Variants in ARHGAP15 observed in about 807,000 individuals in gnomAD.
The protein encoded by ARHGAP15 is Rho GTPase activating protein 15.
In ARHGAP15, 51 loss-of-function variants were observed where a neutral mutation model predicts 63.7. The observed-to-expected ratio is 0.80, with a 90% CI of 0.64 to 1.01. ARHGAP15 has a LOEUF of 1.01. Among genes scored for constraint, ARHGAP15 ranks in the 50% least tolerant of loss-of-function variants. The pLI is 0.00. For synonymous variants in ARHGAP15, 191 were observed against 193.8 expected (o/e 0.99, Z 0.12); for missense variants, 560 against 564.6 (o/e 0.99, Z 0.08).
At chr2:143,464,198 C>G (rs529701327) in intron 8 of ARHGAP15, among the ~76,000 whole-genome samples, 1 of 152,080 alleles carries the variant, frequency 6.6e-6, no homozygotes, top group East Asian at 1.9e-4. Context: ...GCTAGAACTT[C>G]TAGAGTCTCG....
chr2:143,224,263 A>G (rs1481308500), intron 4 of ARHGAP15, among the ~76,000 whole-genome samples: 2 of 152,222 alleles, frequency 1.3e-5, no homozygotes, highest in Non-Finnish European at 2.9e-5. Context: ...GAATACCTTA[A>G]TAACTACTAG....
At position 143,140,756 on chromosome 2, in the gene ARHGAP15, C is replaced by T. The variant is rs1689328504; in HGVS notation, c.-15+11290C>T. 2.0e-5 allele frequency among the ~76,000 whole-genome samples: 3 copies of T among 151,946 alleles called. No homozygotes were observed. In the South Asian group the frequency reaches 6.2e-4, roughly 32 times the overall value. On this transcript the variant is annotated intron_variant, in intron 1 of 13. Transcript: ENST00000295095. ...CTATATATGTAGGTTGAATGAATAT[C>T]CCAACTCAGTCCTAATTTTGAAAGC... is the stretch of plus-strand genomic sequence containing the variant.
At chr2:143,422,461 T>C (rs530057962) in intron 6 of ARHGAP15, among the ~76,000 whole-genome samples, 1 of 152,228 alleles carries the variant, frequency 6.6e-6, no homozygotes, top group South Asian at 2.1e-4. Flanking sequence ...AAGTTTGAGC[T>C]GATAATATTG....
intron 8 of ARHGAP15, among the ~76,000 whole-genome samples, chr2:143,460,611 G>T (rs1311985693): frequency 6.6e-6 from 1 of 152,132 alleles, no homozygotes; most frequent in African/African-American, 2.4e-5. Flanking sequence ...ATATGTAATT[G>T]CATTAGGGTT....
At chr2:143,344,675 C>A (rs571023556) in intron 6 of ARHGAP15, among the ~76,000 whole-genome samples, 52 of 152,212 alleles carry the variant, frequency 3.4e-4, no homozygotes, top group African/African-American at 1.2e-3. Context: ...ATTATGCAGA[C>A]CATGGCTTGA....
At chr2:143,137,373 GT>G (rs1485531912) in intron 1 of ARHGAP15, among the ~76,000 whole-genome samples, 3 of 152,050 alleles carry the variant, frequency 2.0e-5, no homozygotes, top group Non-Finnish European at 2.9e-5. Context: ...ACTTTGGGCT[GT>G]AGAATCAAGG....
chr2:143,351,444 C>T (rs1186338280), intron 6 of ARHGAP15: 2 of 152,158 alleles, frequency 1.3e-5, no homozygotes, highest in East Asian at 3.9e-4. Flanking sequence ...AGTGAGACTA[C>T]TGAATTTCTG....
At chr2:143,608,634 T>G (rs1698135046) in intron 11 of ARHGAP15, 2 of 152,206 alleles carry the variant, frequency 1.3e-5, no homozygotes. Flanking sequence ...TCTTTTTACT[T>G]TGTTGTTTTC....
At chr2:143,551,306 C>T (rs990057003) in intron 10 of ARHGAP15, among the ~76,000 whole-genome samples, 1 of 152,006 alleles carries the variant, frequency 6.6e-6, no homozygotes, top group African/African-American at 2.4e-5. Flanking sequence ...CATGCGCCAC[C>T]ATGCCAGGCT....
At chr2:143,365,284 TA>T (rs898499362) in intron 6 of ARHGAP15, among the ~76,000 whole-genome samples, 2 of 152,156 alleles carry the variant, frequency 1.3e-5, no homozygotes, top group African/African-American at 4.8e-5. Context: ...GTAAAATAAA[TA>T]AGAAGCTAAC....
At chr2:143,663,819 A>C (rs1326111384) in intron 12 of ARHGAP15, among the ~76,000 whole-genome samples, 1 of 152,200 alleles carries the variant, frequency 6.6e-6, no homozygotes, top group Middle Eastern at 3.2e-3. Flanking sequence ...GGGACAAAGA[A>C]GGCCATTACA....
intron 6 of ARHGAP15, among the ~76,000 whole-genome samples, chr2:143,354,768 T>G (rs996813588): frequency 3.9e-5 from 6 of 152,208 alleles, no homozygotes; most frequent in African/African-American, 1.4e-4. Context: ...AATGTTAATT[T>G]TGCAAAACAT....
intron 13 of ARHGAP15, among the ~76,000 whole-genome samples, chr2:143,729,054 C>T (rs1342041112): frequency 6.6e-6 from 1 of 152,150 alleles, no homozygotes; most frequent in African/African-American, 2.4e-5. Flanking sequence ...TGAAGGTGGA[C>T]GTTTTTGCAT....
At chr2:143,224,867 A>G (rs995103269) in intron 4 of ARHGAP15, among the ~76,000 whole-genome samples, 5 of 152,216 alleles carry the variant, frequency 3.3e-5, no homozygotes, top group African/African-American at 1.2e-4. Flanking sequence ...GCAGCCATAA[A>G]AAAAGGATGA....
intron 12 of ARHGAP15, among the ~76,000 whole-genome samples, chr2:143,658,536 G>C (rs1681578940): frequency 6.6e-6 from 1 of 152,204 alleles, no homozygotes; most frequent in Admixed American, 6.5e-5. Flanking sequence ...TTTAAGGAAA[G>C]AGGCAATTTT....
At chr2:143,570,308 T>C (rs557063724) in intron 11 of ARHGAP15, among the ~76,000 whole-genome samples, 23 of 152,352 alleles carry the variant, frequency 1.5e-4, no homozygotes, top group Non-Finnish European at 2.9e-4. Flanking sequence ...CAAGAATCAC[T>C]CCTCATTTTA....
intron 13 of ARHGAP15, among the ~76,000 whole-genome samples, chr2:143,720,725 C>T (rs1685013985): frequency 6.6e-6 from 1 of 152,130 alleles, no homozygotes; most frequent in Non-Finnish European, 1.5e-5. Context: ...ACACGACTTC[C>T]CAAACTTCAG....
chr2:143,539,903 G>C (rs1427903327), intron 10 of ARHGAP15, among the ~76,000 whole-genome samples: 1 of 151,986 alleles, frequency 6.6e-6, no homozygotes, highest in African/African-American at 2.4e-5. Context: ...GGTCTGCTTG[G>C]TGCAGAGCTG....
intron 11 of ARHGAP15, among the ~76,000 whole-genome samples, chr2:143,582,897 T>C (rs1305427992): frequency 6.6e-6 from 1 of 152,254 alleles, no homozygotes; most frequent in African/African-American, 2.4e-5. Context: ...AAGCTAAATC[T>C]TGAAAGCTGT....
Sources: gnomAD v4.1 joint callset for allele counts (sites outside exome capture counted in the v4.1 genomes callset) on GRCh38, gnomAD v4.1.1 for gene constraint, MANE v1.5 for transcripts, NCBI Gene and HGNC (gene_info 2026-07-23, HGNC 2026-07-21) for gene names.